Variants in ZNF536 observed in about 807,000 individuals in gnomAD.
The protein encoded by ZNF536 is zinc finger protein 536.
In ZNF536, 13 loss-of-function variants were observed where a neutral mutation model predicts 84.5. The ratio of observed to expected loss-of-function variants is 0.15; its 90% CI spans 0.10 to 0.24. The LOEUF (loss-of-function observed/expected upper bound fraction) is 0.24. ZNF536 is among the 10% of genes least tolerant of loss of function. ZNF536 has a pLI of 1.00. For missense variants in ZNF536, 1,536 were observed against 1,747.5 expected (o/e 0.88, Z 2.16); for synonymous variants, 811 against 742.5 (o/e 1.09, Z -1.50).
At chr19:30,424,104 T>G (rs1269353796) in intron 1 of ZNF536, among the ~76,000 whole-genome samples, 1 of 152,142 alleles carries the variant, frequency 6.6e-6, no homozygotes, top group Non-Finnish European at 1.5e-5. Flanking sequence ...GGGGACACTT[T>G]GTTTCTGGGC....
chr19:30,420,851 G>A (rs562847761), intron 1 of ZNF536, among the ~76,000 whole-genome samples: 122 of 152,314 alleles, frequency 8.0e-4, no homozygotes, highest in Non-Finnish European at 1.5e-3. Context: ...TTTATCTTCA[G>A]AGGAAAAGCT....
At position 30,263,173 on chromosome 19, in the gene ZNF536, C is replaced by T. The variant is rs150450707; in HGVS notation, c.-189-20899C>T. Among the ~76,000 whole-genome samples, 10 of 152,234 alleles carry T rather than the reference C, an allele frequency of 6.6e-5. No individual in the cohort carries two copies. In the East Asian group the frequency reaches 9.7e-4, roughly 15 times the overall value. Reference sequence around the variant, plus strand: ...TGTGAGACCCCAGAATGCAGCACAGCGCATAGCAAACAGTACATGCTCAAT... The same window carrying T: ...TGTGAGACCCCAGAATGCAGCACAGTGCATAGCAAACAGTACATGCTCAAT... On this transcript the variant is annotated intron_variant, in intron 1 of 5. Coordinates refer to the ZNF536 transcript ENST00000585628.
At chr19:30,372,637 ACACATGCACCCACC>A (rs1219975463) in intron 1 of ZNF536, 81 bp downstream of exon 1, 1 of 152,188 alleles carries the variant, frequency 6.6e-6, no homozygotes, top group Admixed American at 6.5e-5. Flanking sequence ...TAGAACACCC[ACACATGCACCCACC>A]CACATGCAGA....
chr19:30,475,964 T>C (rs2053828711), intron 2 of ZNF536, among the ~76,000 whole-genome samples: 1 of 152,172 alleles, frequency 6.6e-6, no homozygotes, highest in Non-Finnish European at 1.5e-5. Flanking sequence ...AATGCATTGG[T>C]AGCTTTGTTC....
At chr19:30,264,376 GC>G (rs1327587499) in intron 1 of ZNF536, among the ~76,000 whole-genome samples, 3 of 92,920 alleles carry the variant, frequency 3.2e-5, no homozygotes, top group South Asian at 4.6e-4. Context: ...CCAGGCCCCC[GC>G]CCCCCGCAGT....
intron 1 of ZNF536, among the ~76,000 whole-genome samples, chr19:30,569,556 G>GTTGTTTTTTTTT (rs1193738249): frequency 1.2e-5 from 1 of 80,466 alleles, no homozygotes. Flanking sequence ...CCAGATAAAC[G>GTTGTTTTTTTTT]TTCTTTTTTT....
chr19:30,286,446 G>A (rs2045628978), intron 2 of ZNF536, among the ~76,000 whole-genome samples: 1 of 151,982 alleles, frequency 6.6e-6, no homozygotes, highest in African/African-American at 2.4e-5. Flanking sequence ...GCTCCTTAGG[G>A]CTAGAGGGTG....
chr19:30,567,561 C>T (rs1050917539), intron 1 of ZNF536, among the ~76,000 whole-genome samples: 3 of 152,250 alleles, frequency 2.0e-5, no homozygotes, highest in Non-Finnish European at 2.9e-5. Context: ...TCCCCCGCAG[C>T]GAGAGGGCCC....
chr19:30,690,100 T>A (rs369671516), intron 1 of ZNF536, among the ~76,000 whole-genome samples: 4 of 152,194 alleles, frequency 2.6e-5, no homozygotes, highest in Non-Finnish European at 5.9e-5. Context: ...TTCATAAAAC[T>A]GGAATGGACA....
At chr19:30,315,290 G>A (rs2046641779) in intron 2 of ZNF536, among the ~76,000 whole-genome samples, 2 of 152,228 alleles carry the variant, frequency 1.3e-5, no homozygotes, top group Admixed American at 1.3e-4. Context: ...GGTCATAACA[G>A]TTTATAGGGC....
At chr19:30,650,417 C>T (rs2049656369) in intron 1 of ZNF536, among the ~76,000 whole-genome samples, 1 of 152,178 alleles carries the variant, frequency 6.6e-6, no homozygotes, top group Non-Finnish European at 1.5e-5. Flanking sequence ...AAAGATTTCT[C>T]TCCTTTTCTT....
chr19:30,272,201 T>C (rs1187240417), intron 1 of ZNF536, among the ~76,000 whole-genome samples: 3 of 152,196 alleles, frequency 2.0e-5, no homozygotes, highest in Non-Finnish European at 4.4e-5. Context: ...TTTTTTTCTT[T>C]GTAAATTAAT....
intron 1 of ZNF536, among the ~76,000 whole-genome samples, chr19:30,436,748 GA>G (rs1413121256): frequency 1.3e-5 from 2 of 152,194 alleles, no homozygotes; most frequent in Admixed American, 6.5e-5. Context: ...GTCAGCATAA[GA>G]AAGCAAGGTG....
chr19:30,238,239 C>G (rs935986580), intron 1 of ZNF536, among the ~76,000 whole-genome samples: 1 of 152,162 alleles, frequency 6.6e-6, no homozygotes, highest in Non-Finnish European at 1.5e-5. Context: ...AAGTGCCATT[C>G]CTCCTTCCTT....
intron 2 of ZNF536, among the ~76,000 whole-genome samples, chr19:30,466,318 G>A (rs752231260): frequency 6.6e-6 from 1 of 151,392 alleles, no homozygotes; most frequent in South Asian, 2.1e-4. Context: ...GAAGCAGGAG[G>A]ATCACTTGAT....
intron 1 of ZNF536, among the ~76,000 whole-genome samples, chr19:30,235,477 A>G (rs1355989930): frequency 6.6e-6 from 1 of 152,208 alleles, no homozygotes; most frequent in East Asian, 1.9e-4. Flanking sequence ...AAGAGGGAGA[A>G]AATATTTGGA....
intron 1 of ZNF536, among the ~76,000 whole-genome samples, chr19:30,641,595 C>A (rs548559843): frequency 1.3e-5 from 2 of 152,276 alleles, no homozygotes; most frequent in South Asian, 4.1e-4. Context: ...CAGGGAATGT[C>A]TTTGAACATA....
chr19:30,272,929 A>G (rs148369625), intron 1 of ZNF536, among the ~76,000 whole-genome samples: 558 of 152,226 alleles, frequency 3.7e-3, no homozygotes, highest in Non-Finnish European at 6.5e-3. Flanking sequence ...TTTACTTTTT[A>G]AGAGACAGGG....
At chr19:30,363,643 C>T (rs900295830) in intron 3 of ZNF536, among the ~76,000 whole-genome samples, 4 of 151,924 alleles carry the variant, frequency 2.6e-5, no homozygotes, top group African/African-American at 7.2e-5. Flanking sequence ...AATTCTCAGG[C>T]GAGATGGAGA....
Sources: gnomAD v4.1 joint callset for allele counts (sites outside exome capture counted in the v4.1 genomes callset) on GRCh38, gnomAD v4.1.1 for gene constraint, MANE v1.5 for transcripts, NCBI Gene and HGNC (gene_info 2026-07-23, HGNC 2026-07-21) for gene names.